Variants in NUP35 observed in about 807,000 individuals in gnomAD.
NUP35 encodes nucleoporin NUP35.
NUP35 carries 25 observed loss-of-function variants against 41.5 expected under a neutral mutation model. The ratio of observed to expected loss-of-function variants is 0.60; its 90% CI spans 0.44 to 0.84. NUP35 has a LOEUF of 0.84. Among genes scored for constraint, NUP35 ranks in the 40% least tolerant of loss-of-function variants. The pLI is 0.00. For missense variants in NUP35, 396 were observed against 396.6 expected, an observed-to-expected ratio of 1.00 and a Z score of 0.01; for synonymous variants, 149 against 130.7, an observed-to-expected ratio of 1.14 and a Z score of -0.96.
In NUP35 at chr2:183,158,348, A is replaced by G; in HGVS notation, c.675A>G (p.Leu225=). ...YQSKLQARKA[L]SKDGRIFGES... is the part of the protein sequence containing the mutation. ...CTAAACTGCAGGCTCGGAAAGCCTT[A>G]AGCAAAGATGGGAGGATTTTTGGAG... The change falls in exon 7 of 9, where the codon TTA becomes TTG. Residue 225 remains leucine (L), a synonymous_variant. Coordinates refer to ENST00000295119, the MANE Select transcript of NUP35 (RefSeq NM_138285.5). 1 of 1,609,588 alleles carries G rather than the reference A, an allele frequency of 6.2e-7. No homozygotes were observed. Among genetic ancestry groups the G allele is most frequent in the African/African-American group, 1.3e-5 (1 of 74,982 alleles).
At chr2:183,152,173 C>CT (rs1388003406) in intron 5 of NUP35, among the ~76,000 whole-genome samples, 6 of 138,116 alleles carry the variant, frequency 4.3e-5, no homozygotes, top group African/African-American at 1.3e-4. Flanking sequence ...AGGGTTGATA[C>CT]TTTCTGGTCC....
At chr2:183,138,062 C>T (rs909698856) in intron 4 of NUP35, among the ~76,000 whole-genome samples, 1 of 151,660 alleles carries the variant, frequency 6.6e-6, no homozygotes, top group Non-Finnish European at 1.5e-5. Flanking sequence ...GCCACTGCTG[C>T]TTCTACTTTG....
intron 4 of NUP35, among the ~76,000 whole-genome samples, chr2:183,143,293 T>TC (rs11462061): frequency 0.27 from 40,506 of 150,678 alleles, 6,080 homozygotes; most frequent in African/African-American, 0.38. Flanking sequence ...TTTTTTTTTT[T>TC]ACCCCTCTAT....
intron 5 of NUP35, among the ~76,000 whole-genome samples, chr2:183,156,452 G>T (rs1685670088): frequency 6.6e-6 from 1 of 152,156 alleles, no homozygotes; most frequent in Non-Finnish European, 1.5e-5. Context: ...CGATACTTCT[G>T]CCTCAGCCGC....
At chr2:183,137,257 G>A (rs985502494) in intron 4 of NUP35, among the ~76,000 whole-genome samples, 1 of 152,122 alleles carries the variant, frequency 6.6e-6, no homozygotes, top group Non-Finnish European at 1.5e-5. Context: ...ACAAATAGGT[G>A]GATGATGATG....
At chr2:183,144,882 A>G (rs924225122) in intron 4 of NUP35, among the ~76,000 whole-genome samples, 4 of 152,180 alleles carry the variant, frequency 2.6e-5, no homozygotes, top group Non-Finnish European at 5.9e-5. Context: ...CAAAAATTAG[A>G]TTGCTTATTC....
intron 4 of NUP35, among the ~76,000 whole-genome samples, chr2:183,148,979 T>A (rs923189577): frequency 7.9e-5 from 12 of 152,200 alleles, no homozygotes; most frequent in African/African-American, 2.9e-4. Flanking sequence ...CCACCTTCTA[T>A]AGATAATCTT....
chr2:183,143,304 C>G (rs1685167793), intron 4 of NUP35, among the ~76,000 whole-genome samples: 1 of 149,388 alleles, frequency 6.7e-6, no homozygotes, highest in Non-Finnish European at 1.5e-5. Flanking sequence ...ACCCCTCTAT[C>G]ATTGCTGGTG....
chr2:183,154,069 C>A (rs991520691), intron 5 of NUP35, among the ~76,000 whole-genome samples: 1 of 152,070 alleles, frequency 6.6e-6, no homozygotes, highest in Non-Finnish European at 1.5e-5. Context: ...CTACATTGTC[C>A]CCTTTCAGCC....
At chr2:183,125,455 A>G (rs1684427559) in intron 1 of NUP35, among the ~76,000 whole-genome samples, 1 of 149,610 alleles carries the variant, frequency 6.7e-6, no homozygotes, top group South Asian at 2.1e-4. Context: ...TTTGAAGGGT[A>G]TGTAATGCTT....
chr2:183,148,985 A>T (rs1452283409), intron 4 of NUP35, among the ~76,000 whole-genome samples: 3 of 152,186 alleles, frequency 2.0e-5, no homozygotes, highest in African/African-American at 7.2e-5. Flanking sequence ...TCTATAGATA[A>T]TCTTTTTTGT....
At chr2:183,144,078 C>CTGT (rs1350086789) in intron 4 of NUP35, among the ~76,000 whole-genome samples, 4 of 152,202 alleles carry the variant, frequency 2.6e-5, no homozygotes, top group Non-Finnish European at 4.4e-5. Context: ...ACTGAAAGTG[C>CTGT]TGTGCTCATG....
chr2:183,130,508 C>T lies in NUP35; in HGVS notation c.302C>T (p.Pro101Leu), dbSNP rs1684661078. ...AGTATATATGATGACATTTCTAGCCCAGGACTTGGATCAACACCTTTAACT... is the reference window on the plus strand; with the variant it reads ...AGTATATATGATGACATTTCTAGCCTAGGACTTGGATCAACACCTTTAACT... ...VRSIYDDISSPGLGSTPLTSR... is the reference protein window; with the variant it reads ...VRSIYDDISSLGLGSTPLTSR... The change falls in exon 3 of 9, where the codon CCA becomes CTA. Residue 101 changes from proline (P) to leucine (L), a missense_variant. Coordinates refer to ENST00000295119, the MANE Select transcript of NUP35 (RefSeq NM_138285.5). 6.2e-7 allele frequency: 1 copy of T among 1,613,100 alleles called. No homozygotes were observed. Among genetic ancestry groups the T allele is most frequent in the African/African-American group, 1.3e-5 (1 of 74,678 alleles).
chr2:183,141,042 A>G (rs1685077056), intron 4 of NUP35, among the ~76,000 whole-genome samples: 1 of 152,138 alleles, frequency 6.6e-6, no homozygotes, highest in Non-Finnish European at 1.5e-5. Context: ...CATTTATCCC[A>G]AAGTCAGTTT....
At chr2:183,119,680 T>C (rs1489391485), upstream of NUP35, among the ~76,000 whole-genome samples, 2 of 151,946 alleles carry the variant, frequency 1.3e-5, no homozygotes, top group Non-Finnish European at 2.9e-5. Flanking sequence ...AGGAAATTTT[T>C]CTTTTTGGAG....
chr2:183,130,375 AAAG>A (rs769612073), intron 2 of NUP35, 40 bp from the exon 3 acceptor site: 6 of 1,516,778 alleles, frequency 4.0e-6, no homozygotes, highest in Admixed American at 2.4e-5. Context: ...ATCTTACCAA[AAAG>A]AAGAATCCCT....
chr2:183,142,946 G>C (rs1480666647), intron 4 of NUP35, among the ~76,000 whole-genome samples: 1 of 151,864 alleles, frequency 6.6e-6, no homozygotes, highest in Non-Finnish European at 1.5e-5. Context: ...CACGAGATCA[G>C]GAGATCGAGA....
At chr2:183,138,267 ATAT>A (rs1457638366) in intron 4 of NUP35, among the ~76,000 whole-genome samples, 29 of 74,038 alleles carry the variant, frequency 3.9e-4, no homozygotes, top group Non-Finnish European at 5.1e-4. Context: ...ATATATATAT[ATAT>A]TTTTTTTTTT....
chr2:183,119,777 T>A (rs1208480829), upstream of NUP35, among the ~76,000 whole-genome samples: 1 of 152,034 alleles, frequency 6.6e-6, no homozygotes, highest in Non-Finnish European at 1.5e-5. Flanking sequence ...ATGGAACTCC[T>A]GGGGTCAAGT....
Sources: gnomAD v4.1 joint callset for allele counts (sites outside exome capture counted in the v4.1 genomes callset) on GRCh38, gnomAD v4.1.1 for gene constraint, MANE v1.5 for transcripts, NCBI Gene and HGNC (gene_info 2026-07-23, HGNC 2026-07-21) for gene names.